FUT8: variants seen among roughly 807,000 people sequenced by gnomAD.
FUT8 encodes alpha-(1,6)-fucosyltransferase.
FUT8 carries 29 observed loss-of-function variants against 71.3 expected under a neutral mutation model. That is an observed-to-expected ratio of 0.41 (90% CI 0.30 to 0.55). FUT8 has a LOEUF of 0.55. FUT8 is among the 20% of genes least tolerant of loss of function. The pLI, the probability that FUT8 is intolerant of heterozygous loss-of-function variation, is 0.34. For missense variants in FUT8, 544 were observed against 702.1 expected, an observed-to-expected ratio of 0.77 and a Z score of 2.55; for synonymous variants, 254 against 239.3, an observed-to-expected ratio of 1.06 and a Z score of -0.57.
chr14:65,637,416 G>C (rs1428503620), intron 6 of FUT8, among the ~76,000 whole-genome samples: 2 of 152,128 alleles, frequency 1.3e-5, no homozygotes, highest in African/African-American at 4.8e-5. Flanking sequence ...AGTGCTGCTA[G>C]TTAGAGCAAA....
chr14:65,705,114 G>A (rs1233223889), intron 7 of FUT8, among the ~76,000 whole-genome samples: 1 of 152,098 alleles, frequency 6.6e-6, no homozygotes, highest in African/African-American at 2.4e-5. Flanking sequence ...GAGGCTTCAA[G>A]TTGACAGTAA....
the FUT8 span, among the ~76,000 whole-genome samples, chr14:65,363,021 A>AC: frequency 6.6e-6 from 1 of 151,504 alleles, no homozygotes. Flanking sequence ...GACTCAAAAA[A>AC]AAAAAGAACT....
chr14:65,632,178 G>C (rs538191191), intron 6 of FUT8, among the ~76,000 whole-genome samples: 1 of 152,294 alleles, frequency 6.6e-6, no homozygotes, highest in African/African-American at 2.4e-5. Context: ...GAACTGTGCT[G>C]CTATAAACAT....
chr14:65,626,246 A>C (rs1889890721), intron 5 of FUT8, among the ~76,000 whole-genome samples: 1 of 152,048 alleles, frequency 6.6e-6, no homozygotes, highest in African/African-American at 2.4e-5. Flanking sequence ...AGCGGCTACC[A>C]CATGTATTAC....
Position 65,629,472 on chromosome 14 carries a change from ATTG to A in FUT8, c.483-14_483-12del. Reference sequence around the variant, plus strand: ...AGCAGTACAGACAAGTTCGATCTCCATTGTTGTTTGTTTTAACAGGTCTATAAT... The same window carrying A: ...AGCAGTACAGACAAGTTCGATCTCCATTGTTTGTTTTAACAGGTCTATAAT... On this transcript the variant is annotated splice_polypyrimidine_tract_variant and intron_variant, in intron 5 of 10. Coordinates refer to ENST00000673929, the MANE Select transcript of FUT8 (RefSeq NM_001371533.1). 4 of 1,520,868 alleles carry A rather than the reference ATTG, an allele frequency of 2.6e-6. No individual in the cohort carries two copies. Among genetic ancestry groups the A allele is most frequent in the Non-Finnish European group, 3.6e-6 (4 of 1,095,902 alleles). The allele number at this position is 1,520,868 out of a possible 1,614,324, so 94.2% of individuals were successfully genotyped here.
chr14:65,585,402 G>A (rs1475089130), intron 3 of FUT8, among the ~76,000 whole-genome samples: 1 of 152,076 alleles, frequency 6.6e-6, no homozygotes, highest in Admixed American at 6.6e-5. Flanking sequence ...GCTCAGGCTG[G>A]TCTCAAAGTG....
intron 3 of FUT8, among the ~76,000 whole-genome samples, chr14:65,613,452 A>G (rs747803576): frequency 6.6e-5 from 10 of 150,558 alleles, no homozygotes; most frequent in Admixed American, 1.3e-4. Flanking sequence ...ATACCAGGAC[A>G]TGCCTCATTT....
chr14:65,405,181 A>G, the FUT8 span, among the ~76,000 whole-genome samples: 1 of 152,122 alleles, frequency 6.6e-6, no homozygotes, highest in African/African-American at 2.4e-5. Context: ...CATCTCCTTC[A>G]TTTTCATGAT....
chr14:65,730,518 A>G (rs1895926221), intron 9 of FUT8, among the ~76,000 whole-genome samples: 1 of 152,138 alleles, frequency 6.6e-6, no homozygotes, highest in Non-Finnish European at 1.5e-5. Flanking sequence ...CTAAAAATAC[A>G]AAAAATTAGC....
the FUT8 span, among the ~76,000 whole-genome samples, chr14:65,403,862 T>C: frequency 2.6e-5 from 4 of 152,092 alleles, no homozygotes; most frequent in African/African-American, 7.2e-5. Context: ...GTTTCTGTAA[T>C]AGTTCTTTCA....
At chr14:65,406,584 G>T (rs1292628724), upstream of FUT8, among the ~76,000 whole-genome samples, 1 of 152,090 alleles carries the variant, frequency 6.6e-6, no homozygotes, top group Non-Finnish European at 1.5e-5. Flanking sequence ...TGCCCAGGCT[G>T]GAGTGCAGTA....
chr14:65,370,290 C>T, the FUT8 span, among the ~76,000 whole-genome samples: 1 of 144,368 alleles, frequency 6.9e-6, no homozygotes, highest in Admixed American at 7.3e-5. Context: ...TCACTGCAAG[C>T]TCCGCCTCCC....
At chr14:65,507,675 A>G (rs1388364022) in intron 2 of FUT8, among the ~76,000 whole-genome samples, 2 of 152,144 alleles carry the variant, frequency 1.3e-5, no homozygotes, top group African/African-American at 4.8e-5. Context: ...GTGTATATGT[A>G]CCACATTTTC....
At chr14:65,620,704 G>A (rs1183080114) in intron 5 of FUT8, among the ~76,000 whole-genome samples, 1 of 152,142 alleles carries the variant, frequency 6.6e-6, no homozygotes, top group African/African-American at 2.4e-5. Flanking sequence ...AGGAAGGGAG[G>A]AAGGAAGATC....
At position 65,445,548 on chromosome 14, in the gene FUT8, G is replaced by A. The variant is rs540269416; in HGVS notation, c.-325-10073G>A. ...CTGTATCCTGAGTATGGATATACAT[G>A]TGTTGAAATTCATAGAACTGTATAC... On this transcript the variant is annotated intron_variant, in intron 1 of 10. Coordinates refer to ENST00000673929, the MANE Select transcript of FUT8 (RefSeq NM_001371533.1). Among the ~76,000 whole-genome samples, 326 of 152,272 alleles carry A rather than the reference G, an allele frequency of 2.1e-3. 2 individuals carry two copies. The highest frequency in any genetic ancestry group is 3.7e-3 in the Non-Finnish European group (249 of 68,018).
chr14:65,656,615 C>G (rs1332670453), intron 6 of FUT8, among the ~76,000 whole-genome samples: 1 of 152,008 alleles, frequency 6.6e-6, no homozygotes, highest in Non-Finnish European at 1.5e-5. Flanking sequence ...ACACTCTTCA[C>G]AGAAATAGAA....
At chr14:65,626,699 T>G (rs1197365420) in intron 5 of FUT8, among the ~76,000 whole-genome samples, 1 of 152,228 alleles carries the variant, frequency 6.6e-6, no homozygotes, top group Non-Finnish European at 1.5e-5. Flanking sequence ...GTTGTTCTTT[T>G]TTATTTATTG....
At chr14:65,495,789 T>A (rs1032498581) in intron 2 of FUT8, among the ~76,000 whole-genome samples, 1 of 152,184 alleles carries the variant, frequency 6.6e-6, no homozygotes, top group African/African-American at 2.4e-5. Flanking sequence ...TTATATTTGT[T>A]GTGAATGTAG....
intron 7 of FUT8, among the ~76,000 whole-genome samples, chr14:65,721,522 A>G (rs1895413179): frequency 6.6e-6 from 1 of 152,224 alleles, no homozygotes; most frequent in Admixed American, 6.5e-5. Context: ...AGGTGTTGGT[A>G]TGATAGCATG....
Sources: allele counts gnomAD v4.1 joint callset (sites outside exome capture counted in the v4.1 genomes callset), GRCh38; gene constraint gnomAD v4.1.1; transcripts MANE v1.5; gene names NCBI Gene and HGNC (gene_info 2026-07-23, HGNC 2026-07-21).